XXYLT1: variants seen among roughly 807,000 people sequenced by gnomAD.
The protein encoded by XXYLT1 is xyloside xylosyltransferase 1.
XXYLT1 carries 20 observed loss-of-function variants against 28.9 expected under a neutral mutation model. The observed-to-expected ratio is 0.69, with a 90% CI of 0.49 to 1.00. XXYLT1 has a LOEUF of 1.00. Ranked by LOEUF, XXYLT1 falls within the 50% of genes least tolerant of loss-of-function variation. The pLI is 0.00. For missense variants in XXYLT1, 542 were observed against 560.1 expected (o/e 0.97, Z 0.33); for synonymous variants, 257 against 253.8 (o/e 1.01, Z -0.12).
At chr3:195,158,389 C>T (rs116007206) in intron 2 of XXYLT1, among the ~76,000 whole-genome samples, 1,535 of 152,270 alleles carry the variant, frequency 0.01, 25 homozygotes, top group African/African-American at 0.034. Context: ...GACCATCAGA[C>T]GCTTCTGGAT....
rs1434631774 is a variant in XXYLT1, at chr3:195,176,238, G to A, written c.653-19657C>T. Among the ~76,000 whole-genome samples, 1 of 152,124 alleles carries A rather than the reference G, an allele frequency of 6.6e-6. No individual in the cohort carries two copies. Among genetic ancestry groups the A allele is most frequent in the Non-Finnish European group, 1.5e-5 (1 of 68,024 alleles). On this transcript the variant is annotated intron_variant, in intron 2 of 3. Coordinates refer to ENST00000310380, the MANE Select transcript of XXYLT1 (RefSeq NM_152531.5). The surrounding 1 kb of genome is among the most constrained non-coding windows in gnomAD (Gnocchi z 4.9). ...TGCCCCGCTAATTTCTGTATTTTTT[G>A]TAGAGACAGGGTTTCACCATGTTGC...
chr3:195,162,678 TC>T (rs1333676490), intron 2 of XXYLT1, among the ~76,000 whole-genome samples: 1 of 152,252 alleles, frequency 6.6e-6, no homozygotes, highest in Non-Finnish European at 1.5e-5. Flanking sequence ...AACATGAGTC[TC>T]CTTCCTCATC....
intron 3 of XXYLT1, among the ~76,000 whole-genome samples, chr3:195,113,552 G>C (rs1443504597): frequency 1.3e-5 from 2 of 152,178 alleles, no homozygotes; most frequent in African/African-American, 4.8e-5. Flanking sequence ...CCTGAACCCA[G>C]GCAGTGTGAA....
At chr3:195,221,744 GT>G (rs61471404) in intron 2 of XXYLT1, among the ~76,000 whole-genome samples, 19,335 of 148,160 alleles carry the variant, frequency 0.13, 2,580 homozygotes, top group African/African-American at 0.34. Flanking sequence ...GGCAAAAAAT[GT>G]TTTTTTTTTT....
intron 3 of XXYLT1, among the ~76,000 whole-genome samples, chr3:195,127,045 G>A (rs917704733): frequency 6.6e-6 from 1 of 152,192 alleles, no homozygotes; most frequent in African/African-American, 2.4e-5. Context: ...TTCAGAGCCA[G>A]GCTAAGAAAA....
chr3:195,138,574 G>A (rs912517295), intron 3 of XXYLT1, among the ~76,000 whole-genome samples: 4 of 152,160 alleles, frequency 2.6e-5, no homozygotes, highest in African/African-American at 9.7e-5. Flanking sequence ...AAGTGGGCTG[G>A]AGGCCAGGTG....
At chr3:195,200,999 C>G (rs1034348836) in intron 2 of XXYLT1, among the ~76,000 whole-genome samples, 1 of 152,124 alleles carries the variant, frequency 6.6e-6, no homozygotes, top group African/African-American at 2.4e-5. Flanking sequence ...CCAGCCCAAC[C>G]CCAGACCTAC....
rs1298289829 is a variant in XXYLT1, at chr3:195,255,611, C to T, written c.504+14944G>A. On this transcript the variant is annotated intron_variant, in intron 1 of 3. Coordinates refer to ENST00000310380, the MANE Select transcript of XXYLT1 (RefSeq NM_152531.5). This position sits in a 1 kb window ranked among gnomAD's most constrained non-coding sequence, Gnocchi z 4.5. ...CTAGAAACCAAAACAGAAGACAAAC[C>T]GGCGCACAGAGCAAGCACAGCGTAG... Among the ~76,000 whole-genome samples the T allele has an allele frequency of 2.6e-5, 4 of 152,184 alleles. No homozygotes were observed. The highest frequency in any genetic ancestry group is 4.4e-5 in the Non-Finnish European group (3 of 68,028).
At chr3:195,267,680 T>C (rs1041380499) in intron 1 of XXYLT1, among the ~76,000 whole-genome samples, 1 of 152,188 alleles carries the variant, frequency 6.6e-6, no homozygotes, top group African/African-American at 2.4e-5. Flanking sequence ...AACGATTATA[T>C]AAATACAACT....
In XXYLT1 at chr3:195,202,448, TAAC is replaced by T. The variant is rs1421504420; in HGVS notation, c.652+24258_652+24260del. On this transcript the variant is annotated intron_variant, in intron 2 of 3. Transcript: ENST00000310380. ...ACTGACAGTAACCTGATAGAATAAT[TAAC>T]AAATCTAAAAACGTGTCAATCCAAA... 1.6e-4 allele frequency among the ~76,000 whole-genome samples: 24 copies of T among 148,304 alleles called. No individual in the cohort carries two copies. The East Asian group carries it at 4.7e-3, about 29-fold the overall frequency.
In XXYLT1 at chr3:195,270,698, C is replaced by A; in HGVS notation, c.361G>T (p.Ala121Ser). 1 of 1,588,758 alleles carries A rather than the reference C, an allele frequency of 6.3e-7. No homozygotes were observed. Among genetic ancestry groups the A allele is most frequent in the Non-Finnish European group, 8.5e-7 (1 of 1,172,290 alleles). Residue 121 changes from alanine (A) to serine (S), a missense_variant, in exon 1 of 4, where the codon GCG (alanine) becomes TCG (serine). Ala to Ser is a moderately conservative substitution (Grantham distance 99, BLOSUM62 1). Coordinates refer to ENST00000310380, the MANE Select transcript of XXYLT1 (RefSeq NM_152531.5). ...NAALQAKARV[A>S]LRSLLRLAKF... ...GCGAGGCGCAGCAGTGAGCGCAGCGCGACGCGGGCCTTGGCCTGCAGCGCG... is the reference window on the plus strand; with the variant it reads ...GCGAGGCGCAGCAGTGAGCGCAGCGAGACGCGGGCCTTGGCCTGCAGCGCG...
At chr3:195,226,909 G>A (rs1321300815) in intron 1 of XXYLT1, 53 bp from the exon 2 acceptor site, 1 of 1,589,252 alleles carries the variant, frequency 6.3e-7, no homozygotes, top group Admixed American at 1.8e-5. Flanking sequence ...CTCACTGCAA[G>A]CTCAACACCC....
At chr3:195,190,509 A>C (rs1360720966) in intron 2 of XXYLT1, among the ~76,000 whole-genome samples, 2 of 151,412 alleles carry the variant, frequency 1.3e-5, no homozygotes, top group African/African-American at 2.4e-5. Context: ...AAAAAAAAAA[A>C]AAAAAAAAAA....
At chr3:195,236,011 C>A (rs1252705884) in intron 1 of XXYLT1, among the ~76,000 whole-genome samples, 3 of 152,200 alleles carry the variant, frequency 2.0e-5, no homozygotes, top group Non-Finnish European at 2.9e-5. Flanking sequence ...ACCCCTGTCA[C>A]TATCACCACT....
At chr3:195,082,354 C>T (rs950648650) in intron 3 of XXYLT1, among the ~76,000 whole-genome samples, 1 of 152,210 alleles carries the variant, frequency 6.6e-6, no homozygotes, top group Non-Finnish European at 1.5e-5. Flanking sequence ...CCCTGGTGGT[C>T]TTCCTGGAGG....
intron 3 of XXYLT1, among the ~76,000 whole-genome samples, chr3:195,100,718 C>T (rs1344451141): frequency 6.6e-6 from 1 of 152,158 alleles, no homozygotes; most frequent in Non-Finnish European, 1.5e-5. Context: ...TCACGAAAAC[C>T]CAGCTCACAG....
At chr3:195,221,439 C>T (rs1039147387) in intron 2 of XXYLT1, among the ~76,000 whole-genome samples, 1 of 152,242 alleles carries the variant, frequency 6.6e-6, no homozygotes, top group South Asian at 2.1e-4. Flanking sequence ...CAAACAGTAG[C>T]GCTTAGCATA....
At chr3:195,175,300 G>C (rs1721607338) in intron 2 of XXYLT1, among the ~76,000 whole-genome samples, 1 of 152,228 alleles carries the variant, frequency 6.6e-6, no homozygotes, top group Non-Finnish European at 1.5e-5. Flanking sequence ...GGGCCACGCA[G>C]CGTGCACTGG....
At chr3:195,206,025 T>A (rs561810697) in intron 2 of XXYLT1, among the ~76,000 whole-genome samples, 2 of 144,274 alleles carry the variant, frequency 1.4e-5, no homozygotes, top group African/African-American at 5.3e-5. Context: ...AGTTTAATTT[T>A]TTTTTTTTTT....
Sources: allele counts gnomAD v4.1 joint callset (sites outside exome capture counted in the v4.1 genomes callset), GRCh38; gene constraint gnomAD v4.1.1; non-coding constraint Gnocchi (gnomAD v3.1); transcripts MANE v1.5; gene names NCBI Gene and HGNC (gene_info 2026-07-23, HGNC 2026-07-21).